FANCC: variants seen among roughly 807,000 people sequenced by gnomAD.
FANCC encodes the protein FA complementation group C, also known as Fanconi anemia group C protein.
In FANCC, 55 loss-of-function variants were observed where a neutral mutation model predicts 71.3. The observed-to-expected ratio is 0.77, with a 90% confidence interval of 0.62 to 0.97. The LOEUF (loss-of-function observed/expected upper bound fraction) is 0.97, where lower values mean the gene tolerates loss of function less well. FANCC is among the 50% of genes least tolerant of loss of function. The pLI is 0.00. For missense variants in FANCC, 678 were observed against 670.9 expected (o/e 1.01, Z -0.12); for synonymous variants, 275 against 244.9 (o/e 1.12, Z -1.15).
chr9:95,139,971 G>A (rs2135263948), intron 7 of FANCC, among the ~76,000 whole-genome samples: 1 of 151,578 alleles, frequency 6.6e-6, no homozygotes, highest in Admixed American at 6.6e-5. Context: ...TGACAGAAAC[G>A]CTAAGGTTGT....
chr9:95,150,014 G>C lies in FANCC; in HGVS notation c.595C>G (p.Leu199Val). Residue 199 changes from leucine to valine, a missense_variant, in exon 7 of 15, where the codon CTG becomes GTG. By Grantham distance (32) the Leu-to-Val change is conservative. Transcript: ENST00000289081. The part of the protein sequence containing the change: ...PLITLTDVDP[L>V]VEALLICHGR... The stretch of plus-strand genomic sequence containing the variant: ...TGACAGATGAGGAGAGCCTCCACCA[G>C]GGGGTCAACATCTGTCAGGGTAATA... 1.9e-6 allele frequency: 3 copies of C among 1,614,102 alleles called. No individual in the cohort carries two copies. Among genetic ancestry groups the C allele is most frequent in the Non-Finnish European group, 2.5e-6 (3 of 1,180,002 alleles).
At chr9:95,247,654 G>A (rs1432019793) in intron 2 of FANCC, 138 bp from the exon 3 acceptor site, 5 of 673,258 alleles carry the variant, frequency 7.4e-6, no homozygotes, top group South Asian at 6.6e-5. Context: ...AAGGATTAGA[G>A]AAGATCTTTA....
chr9:95,298,587 A>C (rs1302957451), intron 1 of FANCC, among the ~76,000 whole-genome samples: 1 of 152,232 alleles, frequency 6.6e-6, no homozygotes, highest in Non-Finnish European at 1.5e-5. Flanking sequence ...AGGATGGCTC[A>C]GCTGGCCTGT....
chr9:95,127,308 G>A (rs886792161), intron 8 of FANCC: 2 of 152,316 alleles, frequency 1.3e-5, no homozygotes, highest in African/African-American at 4.8e-5. Context: ...GATGATGCCA[G>A]ATGAAAATGC....
intron 3 of FANCC, among the ~76,000 whole-genome samples, chr9:95,245,774 G>A (rs1165636950): frequency 6.6e-6 from 1 of 151,608 alleles, no homozygotes; most frequent in South Asian, 2.1e-4. Context: ...GCAGGCACCT[G>A]TAATCCCAGC....
chr9:95,136,743 CA>C (rs1827757416), intron 7 of FANCC, among the ~76,000 whole-genome samples: 1 of 152,190 alleles, frequency 6.6e-6, no homozygotes, highest in Non-Finnish European at 1.5e-5. Flanking sequence ...CTTGGCCTCC[CA>C]AAATGTTGGG....
chr9:95,181,372 A>C (rs918517258), intron 4 of FANCC, among the ~76,000 whole-genome samples: 1 of 152,098 alleles, frequency 6.6e-6, no homozygotes, highest in Admixed American at 6.6e-5. Context: ...TGGTCCTCTA[A>C]ATTTTTATTT....
At chr9:95,215,590 G>T (rs138811312) in intron 4 of FANCC, among the ~76,000 whole-genome samples, 3 of 152,300 alleles carry the variant, frequency 2.0e-5, no homozygotes, top group Non-Finnish European at 4.4e-5. Context: ...CTCCTGCTAA[G>T]AGAGTACAGT....
intron 7 of FANCC, among the ~76,000 whole-genome samples, chr9:95,136,563 T>C (rs897982951): frequency 6.6e-6 from 1 of 152,000 alleles, no homozygotes; most frequent in Admixed American, 6.5e-5. Context: ...CAAAGTTCCC[T>C]GTAACCTCAA....
chr9:95,131,197 G>A (rs947622948), intron 8 of FANCC, among the ~76,000 whole-genome samples: 1 of 152,144 alleles, frequency 6.6e-6, no homozygotes, highest in African/African-American at 2.4e-5. Flanking sequence ...GTACTTTTGC[G>A]TCTTAAATTT....
rs750281533 is a variant in FANCC, at chr9:95,249,157, T to C, written c.135A>G (p.Leu45=). Residue 45 remains leucine, a synonymous_variant, in exon 2 of 15, where the codon CTA becomes CTG. Coordinates refer to ENST00000289081, the MANE Select transcript of FANCC (RefSeq NM_000136.3). ...CTTTCAAGGCTTCATACATCTTCCT[T>C]AGGAACTCCTGGAACTGAGCCACGT... ...CLHVAQFQEF[L]RKMYEALKEM... 6.2e-7 allele frequency: 1 copy of C among 1,614,084 alleles called. No homozygotes were observed. The highest frequency in any genetic ancestry group is 1.1e-5 in the South Asian group (1 of 91,082).
chr9:95,312,649 C>A (rs1439500949), intron 1 of FANCC, among the ~76,000 whole-genome samples: 4 of 152,240 alleles, frequency 2.6e-5, no homozygotes, highest in Non-Finnish European at 5.9e-5. Flanking sequence ...AGTCACCATG[C>A]CCAGTCAAGA....
chr9:95,121,350 G>A (rs2072865031), intron 10 of FANCC, among the ~76,000 whole-genome samples: 1 of 152,206 alleles, frequency 6.6e-6, no homozygotes, highest in African/African-American at 2.4e-5. Context: ...AGGGTAAGAA[G>A]AGACAGAAGC....
At chr9:95,110,628 G>A (rs531666328) in intron 13 of FANCC, 40 of 1,040,786 alleles carry the variant, frequency 3.8e-5, no homozygotes, top group South Asian at 2.3e-4. Context: ...AACAAAATAC[G>A]CAGACATCTT....
chr9:95,235,470 T>C (rs992738418), intron 4 of FANCC, among the ~76,000 whole-genome samples: 2 of 152,134 alleles, frequency 1.3e-5, no homozygotes, highest in East Asian at 1.9e-4. Flanking sequence ...CAGACTTACA[T>C]AGGAAAAGGA....
At position 95,138,534 on chromosome 9, in the gene FANCC, C is replaced by T. The variant is rs1016658238; in HGVS notation, c.687-3032G>A. Among the ~76,000 whole-genome samples the T allele has an allele frequency of 2.6e-5, 4 of 152,242 alleles. No homozygotes were observed. In the East Asian group the frequency reaches 5.8e-4, roughly 22 times the overall value. On this transcript the variant is annotated intron_variant, in intron 7 of 14. Transcript: ENST00000289081. ...GAGTTCGCCTCTCAGTGGCTCCTCC[C>T]TTCTCAAGCAGCAGTGCTGGCTTTG... is the stretch of plus-strand genomic sequence containing the variant.
At chr9:95,278,566 C>T (rs1473773534) in intron 1 of FANCC, among the ~76,000 whole-genome samples, 1 of 152,112 alleles carries the variant, frequency 6.6e-6, no homozygotes, top group Non-Finnish European at 1.5e-5. Context: ...GACAGCAAGC[C>T]ACAGCTCCCA....
intron 1 of FANCC, among the ~76,000 whole-genome samples, chr9:95,282,681 A>G (rs1833447033): frequency 6.6e-6 from 1 of 152,206 alleles, no homozygotes; most frequent in African/African-American, 2.4e-5. Flanking sequence ...ATCATATGTT[A>G]GGCCACAAAA....
At chr9:95,313,972 C>T (rs1285787724) in intron 1 of FANCC, among the ~76,000 whole-genome samples, 2 of 152,114 alleles carry the variant, frequency 1.3e-5, no homozygotes, top group Non-Finnish European at 2.9e-5. Flanking sequence ...TTACAGCTAA[C>T]GTCGTATCTA....
Sources: gnomAD v4.1 joint callset for allele counts (sites outside exome capture counted in the v4.1 genomes callset) on GRCh38, gnomAD v4.1.1 for gene constraint, MANE v1.5 for transcripts, NCBI Gene and HGNC (gene_info 2026-07-23, HGNC 2026-07-21) for gene names.